Variants in PAX1 observed in about 807,000 individuals in gnomAD.
The protein encoded by PAX1 is paired box 1.
Under a neutral mutation model 35.6 loss-of-function variants are expected in PAX1, and 18 were observed. That is an observed-to-expected ratio of 0.50 (90% CI 0.35 to 0.75). PAX1 has a LOEUF of 0.75. Among genes scored for constraint, PAX1 ranks in the 30% least tolerant of loss-of-function variants. The probability of loss-of-function intolerance (pLI) is 0.01; values close to 1 mark genes in which losing one functional copy is unlikely to be tolerated. For missense variants in PAX1, 760 were observed against 661.5 expected (o/e 1.15, Z -1.63); for synonymous variants, 397 against 305.2 (o/e 1.30, Z -3.14).
Position 21,708,618 on chromosome 20 carries a change from T to A in PAX1, c.977T>A (p.Val326Glu). Residue 326 changes from valine (V) to glutamate (E), a missense_variant, in exon 3 of 5, where the codon GTG becomes GAG. Around this residue, in one of 3 missense-constraint regions of PAX1, gnomAD observed 490 missense variants for 428.4 expected, o/e 1.14. Transcript: ENST00000613128. Reference protein sequence around the residue: ...YSPKMEDWAGVNRTAFPATPA... With the variant: ...YSPKMEDWAGENRTAFPATPA... ...CCCAAGATGGAAGACTGGGCCGGCG[T>A]GAACCGCACGGCCTTCCCCGCCACC... 1.2e-6 allele frequency: 2 copies of A among 1,613,560 alleles called. No individual in the cohort carries two copies. The highest frequency in any genetic ancestry group is 1.7e-6 in the Non-Finnish European group (2 of 1,179,922).
At chr20:21,709,855 C>A (rs886684248) in intron 4 of PAX1, among the ~76,000 whole-genome samples, 2 of 152,094 alleles carry the variant, frequency 1.3e-5, no homozygotes, top group African/African-American at 4.8e-5. Context: ...CCTGTTCTGG[C>A]ACCTAAGCCC....
Position 21,706,742 on chromosome 20 carries a change from C to T in PAX1, c.591C>T (p.Arg197=). 1.2e-6 allele frequency: 2 copies of T among 1,613,518 alleles called. No homozygotes were observed. Among genetic ancestry groups the T allele is most frequent in the Non-Finnish European group, 1.7e-6 (2 of 1,180,026 alleles). Residue 197 remains arginine, a synonymous_variant, in exon 2 of 5, where the codon CGC becomes CGT. Transcript: ENST00000613128. This position sits in a 1 kb window ranked among gnomAD's most constrained non-coding sequence, Gnocchi z 5.3. ...CTGGCATCTTTGCCTGGGAGATCCG[C>T]GACCGGCTGCTGGCCGACGGCGTCT... ...GDPGIFAWEI[R]DRLLADGVCD... is the part of the protein sequence containing the mutation.
In PAX1 at chr20:21,708,629, G is replaced by T. The variant is rs1275245823; in HGVS notation, c.988G>T (p.Ala330Ser). 6 of 1,613,464 alleles carry T rather than the reference G, an allele frequency of 3.7e-6. No homozygotes were observed. Among genetic ancestry groups the T allele is most frequent in the East Asian group, 2.2e-5 (1 of 44,896 alleles). The change falls in exon 3 of 5, where the codon GCC becomes TCC. Residue 330 changes from alanine (A) to serine (S), a missense_variant. By Grantham distance (99) the Ala-to-Ser change is moderately conservative. Transcript: ENST00000613128. The part of the protein sequence containing the change: ...MEDWAGVNRT[A>S]FPATPAVNGL... ...AGACTGGGCCGGCGTGAACCGCACG[G>T]CCTTCCCCGCCACCCCCGCAGTGAA...
rs1985117299 is a variant in PAX1, at chr20:21,709,286, AG to A, written c.1125del (p.Gln375HisfsTer34). 1 of 1,605,012 alleles carries A rather than the reference AG, an allele frequency of 6.2e-7. No individual in the cohort carries two copies. ...LPACAYPASN[Q>X]HGVYSAPGGG... The stretch of plus-strand genomic sequence containing the variant: ...GCCTGCGCCTACCCGGCCTCCAACC[AG>A]CACGGCGTGTACAGCGCCCCGGGCG... On this transcript the variant is annotated frameshift_variant, in exon 4 of 5. Coordinates refer to ENST00000613128, the MANE Select transcript of PAX1 (RefSeq NM_001257096.2). LOFTEE classifies it high-confidence loss of function.
Position 21,717,293 on chromosome 20 carries a change from T to C in PAX1, c.*2731T>C, listed in dbSNP as rs1330868336. ...TCGCGGCTGGGGGTCACGGAACATC[T>C]TAGTGAACTTGGCTTAAATCTCTGC... is the stretch of plus-strand genomic sequence containing the variant. On this transcript the variant is annotated 3_prime_UTR_variant, in exon 5 of 5. Coordinates refer to ENST00000613128, the MANE Select transcript of PAX1 (RefSeq NM_001257096.2). 2 of 152,246 alleles carry C rather than the reference T, an allele frequency of 1.3e-5. No individual in the cohort carries two copies. The highest frequency in any genetic ancestry group is 2.4e-5 in the African/African-American group (1 of 41,430). The allele number at this position is 152,246 out of a possible 1,614,324, so 9.4% of individuals were successfully genotyped here.
chr20:21,706,623 G>A lies in PAX1; in HGVS notation c.472G>A (p.Gly158Ser). 1 of 1,612,224 alleles carries A rather than the reference G, an allele frequency of 6.2e-7. No individual in the cohort carries two copies. The highest frequency in any genetic ancestry group is 8.5e-7 in the Non-Finnish European group (1 of 1,180,022). Reference protein sequence around the residue: ...SKILARYNETGSILPGAIGGS... With the variant: ...SKILARYNETSSILPGAIGGS... Reference sequence around the variant, plus strand: ...GATCCTGGCGCGCTACAACGAGACCGGCTCCATTCTGCCCGGGGCCATCGG... The same window carrying A: ...GATCCTGGCGCGCTACAACGAGACCAGCTCCATTCTGCCCGGGGCCATCGG... Residue 158 changes from glycine to serine, a missense_variant, in exon 2 of 5, where the codon GGC becomes AGC. Physicochemically the swap from Gly to Ser is moderately conservative, Grantham distance 56. This residue lies in a region of PAX1 where 490 missense variants were observed against 428.4 expected (regional missense o/e 1.14). Transcript: ENST00000613128. The surrounding 1 kb of genome is among the most constrained non-coding windows in gnomAD (Gnocchi z 5.3).
chr20:21,708,416 C>T (rs1568695061), intron 2 of PAX1, 142 bp from the exon 3 acceptor site: 1 of 934,372 alleles, frequency 1.1e-6, no homozygotes, highest in East Asian at 2.4e-5. Flanking sequence ...CAGTCCCTGC[C>T]GCCTCCTGGT....
At chr20:21,709,198 G>A (rs1342358235) in intron 3 of PAX1, 24 bp from the exon 4 acceptor site, 1 of 1,568,882 alleles carries the variant, frequency 6.4e-7, no homozygotes, top group Non-Finnish European at 8.7e-7. Context: ...TTCTGCTGCT[G>A]ACGGTCCCTC....
At chr20:21,714,234 C>A (rs929171348) in intron 4 of PAX1, among the ~76,000 whole-genome samples, 2 of 152,186 alleles carry the variant, frequency 1.3e-5, no homozygotes, top group Admixed American at 6.5e-5. Context: ...AATGGCCTTG[C>A]GAGGAGTCCC....
rs753578766 is a variant in PAX1, at chr20:21,714,610, CG to C, written c.*51del. The C allele has an allele frequency of 1.9e-6, 3 of 1,557,438 alleles. No homozygotes were observed. In the African/African-American group the frequency reaches 4.1e-5, roughly 21 times the overall value. ...GCCCGGAGGGAACGGCAGGCGGACC[CG>C]GGCGCACAGGTCTGCGCGGCGGCCC... On this transcript the variant is annotated 3_prime_UTR_variant, in exon 5 of 5. Transcript: ENST00000613128.
chr20:21,712,711 G>A (rs976703973), intron 4 of PAX1, among the ~76,000 whole-genome samples: 1 of 152,306 alleles, frequency 6.6e-6, no homozygotes, highest in African/African-American at 2.4e-5. Context: ...AGTTACCTCT[G>A]CCTCGGGATT....
Position 21,706,406 on chromosome 20 carries a change from C to A in PAX1, c.287-32C>A. The A allele has an allele frequency of 6.2e-7, 1 of 1,609,550 alleles. No individual in the cohort carries two copies. Among genetic ancestry groups the A allele is most frequent in the African/African-American group, 1.3e-5 (1 of 75,072 alleles). ...CTAACCCGCCGGGTGTTTTCTCCCCCTCCGGCTCACTCTTGTCTGGCGCAT... is the reference window on the plus strand; with the variant it reads ...CTAACCCGCCGGGTGTTTTCTCCCCATCCGGCTCACTCTTGTCTGGCGCAT... On this transcript the variant is annotated intron_variant, in intron 1 of 4. Coordinates refer to ENST00000613128, the MANE Select transcript of PAX1 (RefSeq NM_001257096.2). This position sits in a 1 kb window ranked among gnomAD's most constrained non-coding sequence, Gnocchi z 5.3.
rs375198418 is a variant in PAX1, at chr20:21,714,670, C to T, written c.*108C>T. 1.4e-5 allele frequency: 23 copies of T among 1,603,864 alleles called. No individual in the cohort carries two copies. The highest frequency in any genetic ancestry group is 2.7e-5 in the African/African-American group (2 of 74,866). On this transcript the variant is annotated 3_prime_UTR_variant, in exon 5 of 5. Transcript: ENST00000613128. ...GGCACGGGCAGGATCGGAGGACTCG[C>T]GGAGGAGGAAGCCAGTGCCGGCCCG...
At position 21,714,609 on chromosome 20, in the gene PAX1, C is replaced by A; in HGVS notation, c.*47C>A. 6.4e-7 allele frequency: 1 copy of A among 1,557,396 alleles called. No homozygotes were observed. The highest frequency in any genetic ancestry group is 1.4e-5 in the African/African-American group (1 of 73,654). On this transcript the variant is annotated 3_prime_UTR_variant, in exon 5 of 5. Transcript: ENST00000613128. ...AGCCCGGAGGGAACGGCAGGCGGAC[C>A]CGGGCGCACAGGTCTGCGCGGCGGC...
rs1985385058 is a variant in PAX1 at position 21,716,797 on chromosome 20, C to T, written c.*2235C>T. On this transcript the variant is annotated 3_prime_UTR_variant, in exon 5 of 5. Coordinates refer to ENST00000613128, the MANE Select transcript of PAX1 (RefSeq NM_001257096.2). ...AGTCCCCCATCCTCTCAGCCTGTCT[C>T]CTTGTGCTTAGATGAGCATTGCATG... The T allele has an allele frequency of 6.6e-6, 1 of 152,228 alleles. No homozygotes were observed. Among genetic ancestry groups the T allele is most frequent in the Admixed American group, 6.5e-5 (1 of 15,282 alleles). 9.4% of individuals were successfully genotyped at this position (152,228 alleles called of 1,614,324 possible).
At chr20:21,713,426 G>T (rs1301874671) in intron 4 of PAX1, among the ~76,000 whole-genome samples, 1 of 149,754 alleles carries the variant, frequency 6.7e-6, no homozygotes, top group Non-Finnish European at 1.5e-5. Context: ...CACAGAGGTG[G>T]TTGGCCCAGC....
At chr20:21,709,707 G>A (rs1985139797) in intron 4 of PAX1, among the ~76,000 whole-genome samples, 1 of 152,010 alleles carries the variant, frequency 6.6e-6, no homozygotes, top group Admixed American at 6.6e-5. Flanking sequence ...GTGAAAGGAG[G>A]TCCTTCTGGC....
chr20:21,705,901 C>T lies in PAX1; in HGVS notation c.189C>T (p.Gly63=). The T allele has an allele frequency of 1.4e-6, 2 of 1,398,062 alleles. No homozygotes were observed. The highest frequency in any genetic ancestry group is 1.5e-5 in the South Asian group (1 of 64,750). 86.6% of individuals were successfully genotyped at this position (1,398,062 alleles called of 1,614,324 possible). The change falls in exon 1 of 5, where the codon GGC becomes GGT. Residue 63 remains glycine, a synonymous_variant. Transcript: ENST00000613128. ...SGALPLCLSR[G]GGGAQALPDC... ...CCCTCCCTCTATGCCTCTCACGCGG[C>T]GGCGGCGGCGCCCAAGCTCTCCCGG...
chr20:21,712,037 G>A (rs1453937310), intron 4 of PAX1, among the ~76,000 whole-genome samples: 2 of 152,116 alleles, frequency 1.3e-5, no homozygotes, highest in South Asian at 2.1e-4. Flanking sequence ...GTAATGAAAA[G>A]CAATTTAATA....
Sources: gnomAD v4.1 joint callset for allele counts (sites outside exome capture counted in the v4.1 genomes callset) on GRCh38, gnomAD v4.1.1 for gene constraint, gnomAD v4.1.1 regional missense constraint, Gnocchi (gnomAD v3.1) non-coding constraint, MANE v1.5 for transcripts, NCBI Gene and HGNC (gene_info 2026-07-23, HGNC 2026-07-21) for gene names.